The following ERG variants were observed in gnomAD, a reference collection of about 807,000 sequenced individuals.
ERG encodes ETS transcription factor ERG, also known as transcriptional regulator ERG.
In ERG, 9 loss-of-function variants were observed where a neutral mutation model predicts 55.3. The observed-to-expected ratio is 0.16, with a 90% CI of 0.10 to 0.28. The LOEUF is 0.28. ERG is among the 10% of genes least tolerant of loss of function. ERG has a pLI of 1.00. For synonymous variants in ERG, 223 were observed against 237.3 expected, an observed-to-expected ratio of 0.94 and a Z score of 0.55; for missense variants, 434 against 631.6, an observed-to-expected ratio of 0.69 and a Z score of 3.35.
At chr21:38,645,981 T>C (rs1024351660) in intron 1 of ERG, among the ~76,000 whole-genome samples, 2 of 152,098 alleles carry the variant, frequency 1.3e-5, no homozygotes, top group African/African-American at 4.8e-5. Flanking sequence ...AACCATTCTC[T>C]TAGAAACCTA....
chr21:38,501,281 A>G (rs545122368), upstream of ERG, among the ~76,000 whole-genome samples: 1 of 151,554 alleles, frequency 6.6e-6, no homozygotes, highest in Admixed American at 6.6e-5. Context: ...ATTAGCCAGG[A>G]TGGTCTCGAT....
intron 1 of ERG, among the ~76,000 whole-genome samples, chr21:38,618,225 A>G (rs2060270039): frequency 6.6e-6 from 1 of 152,256 alleles, no homozygotes; most frequent in Admixed American, 6.5e-5. Flanking sequence ...CCATCCTGTT[A>G]AGAGGCACTG....
downstream of ERG, among the ~76,000 whole-genome samples, chr21:38,379,364 A>G (rs1309141869): frequency 6.6e-6 from 1 of 152,242 alleles, no homozygotes; most frequent in East Asian, 1.9e-4. Flanking sequence ...TGCTTATTCA[A>G]TGAGTCATGA....
intron 1 of ERG, among the ~76,000 whole-genome samples, chr21:38,595,952 C>T (rs1456125150): frequency 6.7e-6 from 1 of 149,930 alleles, no homozygotes; most frequent in African/African-American, 2.5e-5. Flanking sequence ...GAGAAAGGCA[C>T]AATTAAGTAC....
Position 38,659,661 on chromosome 21 carries a change from G to A in ERG, c.-150+1997C>T, listed in dbSNP as rs937336839. 2.0e-5 allele frequency among the ~76,000 whole-genome samples: 3 copies of A among 152,226 alleles called. 1 individual carries two copies. In the South Asian group the frequency reaches 6.2e-4, roughly 32 times the overall value. On this transcript the variant is annotated intron_variant, in intron 1 of 10. Coordinates refer to the ERG transcript ENST00000398910. ...TAGAGACATGTACAGAGTGAAACCT[G>A]TAGCACATACGAATATGTTATTTTG...
At chr21:38,400,406 G>C (rs1233164471) in intron 6 of ERG, 168 bp downstream of exon 6, 1 of 740,854 alleles carries the variant, frequency 1.3e-6, no homozygotes, top group South Asian at 1.4e-5. Context: ...GAATGAAATG[G>C]TTTGAGTGGA....
intron 1 of ERG, among the ~76,000 whole-genome samples, chr21:38,629,190 G>A (rs550148303): frequency 1.3e-5 from 2 of 152,326 alleles, no homozygotes; most frequent in South Asian, 2.1e-4. Flanking sequence ...GAGGCCAGGA[G>A]ACATAAGCTC....
At chr21:38,577,557 A>G (rs1157224723) in intron 1 of ERG, among the ~76,000 whole-genome samples, 1 of 152,142 alleles carries the variant, frequency 6.6e-6, no homozygotes, top group Non-Finnish European at 1.5e-5. Flanking sequence ...GAAGGTGACC[A>G]GGCTCCTGGT....
At chr21:38,401,993 CAG>C (rs1167598512) in intron 5 of ERG, among the ~76,000 whole-genome samples, 2 of 152,292 alleles carry the variant, frequency 1.3e-5, no homozygotes, top group East Asian at 3.9e-4. Flanking sequence ...AAAATTATAG[CAG>C]AGGTTCCCTC....
intron 2 of ERG, among the ~76,000 whole-genome samples, chr21:38,547,406 A>G (rs1388948075): frequency 6.6e-6 from 1 of 152,158 alleles, no homozygotes; most frequent in Non-Finnish European, 1.5e-5. Context: ...CCCCACCATC[A>G]ACTCACCAAA....
intron 1 of ERG, among the ~76,000 whole-genome samples, chr21:38,597,497 A>ACACACACACACACACG (rs1374808594): frequency 1.3e-5 from 2 of 151,824 alleles, no homozygotes; most frequent in African/African-American, 4.8e-5. Flanking sequence ...ACACACACAC[A>ACACACACACACACACG]CACGCACACA....
At chr21:38,463,616 C>T (rs1241954962) in intron 1 of ERG, among the ~76,000 whole-genome samples, 1 of 152,212 alleles carries the variant, frequency 6.6e-6, no homozygotes, top group African/African-American at 2.4e-5. Context: ...CTGGTGTGCA[C>T]TGGCCTGAGC....
intron 6 of ERG, among the ~76,000 whole-genome samples, chr21:38,398,286 A>G (rs1257198575): frequency 6.6e-6 from 1 of 151,398 alleles, no homozygotes; most frequent in Non-Finnish European, 1.5e-5. Context: ...TCGCTTAGCA[A>G]TGGATGACCC....
chr21:38,528,534 G>A (rs868562008), intron 2 of ERG, among the ~76,000 whole-genome samples: 494 of 33,998 alleles, frequency 0.015, 95 homozygotes, highest in African/African-American at 0.036. Flanking sequence ...TGCAAGCTCC[G>A]CCTCCCGGGT....
intron 1 of ERG, among the ~76,000 whole-genome samples, chr21:38,455,110 CTTTCTTTCTTT>C (rs2058975459): frequency 2.4e-5 from 1 of 41,262 alleles, no homozygotes. Flanking sequence ...TTCTTTCTTT[CTTTCTTTCTTT>C]TTTTTTTTTT....
At chr21:38,627,970 T>C (rs460439) in intron 1 of ERG, among the ~76,000 whole-genome samples, 28,757 of 145,780 alleles carry the variant, frequency 0.2, 4,282 homozygotes, top group African/African-American at 0.4. Context: ...GAAACAGGGT[T>C]TTGCTCTGTC....
chr21:38,402,520 C>A (rs201535917), intron 5 of ERG, 37 bp downstream of exon 5: 4 of 1,527,392 alleles, frequency 2.6e-6, no homozygotes, highest in Admixed American at 1.7e-5. Context: ...TAAGACCCTA[C>A]GCTCTTGCTG....
At chr21:38,601,438 C>T (rs1278671365) in intron 1 of ERG, among the ~76,000 whole-genome samples, 2 of 151,628 alleles carry the variant, frequency 1.3e-5, no homozygotes, top group East Asian at 3.8e-4. Context: ...AAAAAAAAAT[C>T]ATACAGAGAA....
rs760568841 is a variant in ERG at position 38,420,304 on chromosome 21, G to A, written c.388+3106C>T. On this transcript the variant is annotated intron_variant, in intron 3 of 9. Transcript: ENST00000288319. ...GCAATGAAGCTGTGTGTGTGTGTGC[G>A]TGTGTGTGTGTGTGTGTTCATCTCT... Among the ~76,000 whole-genome samples the A allele has an allele frequency of 1.0e-4, 4 of 40,086 alleles. No individual in the cohort carries two copies. In the South Asian group the frequency reaches 2.1e-3, roughly 21 times the overall value. The allele number at this position is 40,086 out of a possible 152,430, so 26.3% of individuals were successfully genotyped here. A position where few individuals can be genotyped will look rare whatever the true frequency, so the allele number is the denominator to read the frequency against.
Sources: gnomAD v4.1 joint callset for allele counts (sites outside exome capture counted in the v4.1 genomes callset) on GRCh38, gnomAD v4.1.1 for gene constraint, MANE v1.5 for transcripts, NCBI Gene and HGNC (gene_info 2026-07-23, HGNC 2026-07-21) for gene names.